The following GALNTL6 variants were observed in gnomAD, a reference collection of about 807,000 sequenced individuals.
GALNTL6 encodes the protein polypeptide N-acetylgalactosaminyltransferase-like 6.
Under a neutral mutation model 73.7 loss-of-function variants are expected in GALNTL6, and 46 were observed. That is an observed-to-expected ratio of 0.62 (90% CI 0.49 to 0.80). The LOEUF (loss-of-function observed/expected upper bound fraction) is 0.80. Among genes scored for constraint, GALNTL6 ranks in the 30% least tolerant of loss-of-function variants. The probability of loss-of-function intolerance (pLI) is 0.00; values close to 1 mark genes in which losing one functional copy is unlikely to be tolerated. For synonymous variants in GALNTL6, 259 were observed against 263.7 expected, an observed-to-expected ratio of 0.98 and a Z score of 0.17; for missense variants, 604 against 755.0, an observed-to-expected ratio of 0.80 and a Z score of 2.34.
chr4:172,630,320 T>G (rs932423736), intron 5 of GALNTL6, among the ~76,000 whole-genome samples: 2 of 152,194 alleles, frequency 1.3e-5, no homozygotes, highest in Non-Finnish European at 2.9e-5. Flanking sequence ...GTGAAATACT[T>G]GGAAATCTAA....
chr4:172,739,991 A>G (rs1036158370), intron 5 of GALNTL6, among the ~76,000 whole-genome samples: 10 of 151,938 alleles, frequency 6.6e-5, no homozygotes, highest in African/African-American at 2.4e-4. Flanking sequence ...TTTCAGAGGC[A>G]CCATATCTTA....
At chr4:172,665,466 A>G (rs1270282833) in intron 5 of GALNTL6, among the ~76,000 whole-genome samples, 3 of 152,220 alleles carry the variant, frequency 2.0e-5, no homozygotes, top group Non-Finnish European at 2.9e-5. Context: ...AAAGGTAGCC[A>G]TGGTTTACTT....
rs145604759 is a variant in GALNTL6, at chr4:172,754,997, C to A, written c.554-54364C>A. Among the ~76,000 whole-genome samples the A allele has an allele frequency of 5.9e-5, 9 of 152,242 alleles. No individual in the cohort carries two copies. The East Asian group carries it at 1.7e-3, about 29-fold the overall frequency. On this transcript the variant is annotated intron_variant, in intron 5 of 12. Transcript: ENST00000506823. ...GGACATAAAAACTACCAATTGCCCA[C>A]CCAGATTTTATAAAAAGTAATGCTT... is the stretch of plus-strand genomic sequence containing the variant.
At chr4:171,956,301 C>T (rs1739048553) in intron 2 of GALNTL6, among the ~76,000 whole-genome samples, 1 of 152,136 alleles carries the variant, frequency 6.6e-6, no homozygotes, top group Non-Finnish European at 1.5e-5. Flanking sequence ...CCACTGTACC[C>T]AGCCATTTAT....
intron 2 of GALNTL6, among the ~76,000 whole-genome samples, chr4:172,110,853 C>A (rs1732830208): frequency 6.6e-6 from 1 of 151,996 alleles, no homozygotes; most frequent in Non-Finnish European, 1.5e-5. Flanking sequence ...GACTGCTGTT[C>A]ATTATGAAGC....
At chr4:172,569,843 C>T (rs1380284987) in intron 5 of GALNTL6, among the ~76,000 whole-genome samples, 2 of 152,068 alleles carry the variant, frequency 1.3e-5, no homozygotes, top group South Asian at 4.1e-4. Flanking sequence ...ACACTGGGAG[C>T]CGAGGATATG....
intron 8 of GALNTL6, among the ~76,000 whole-genome samples, chr4:172,883,210 G>A (rs1745551643): frequency 6.6e-6 from 1 of 152,112 alleles, no homozygotes; most frequent in African/African-American, 2.4e-5. Context: ...TCTTCTTTGT[G>A]TTGGAAACAT....
At chr4:172,868,824 T>A (rs1370576375) in intron 7 of GALNTL6, among the ~76,000 whole-genome samples, 2 of 152,040 alleles carry the variant, frequency 1.3e-5, no homozygotes, top group East Asian at 3.9e-4. Flanking sequence ...TGCACAAATC[T>A]AAAATACTCA....
In GALNTL6 at chr4:172,522,676, CCCA is replaced by C. The variant is rs79371631; in HGVS notation, c.553+173988_553+173990del. ...CGAGTGAAACTCAGTCCCCCCCCCC[CCCA>C]AAAAAAAAGTGTATTTTACTGTAAT... is the stretch of plus-strand genomic sequence containing the variant. On this transcript the variant is annotated intron_variant, in intron 5 of 12. Coordinates refer to ENST00000506823, the MANE Select transcript of GALNTL6 (RefSeq NM_001034845.3). 0.01 allele frequency among the ~76,000 whole-genome samples: 676 copies of C among 66,978 alleles called. 13 individuals carry two copies. In the East Asian group the frequency reaches 0.13, roughly 13 times the overall value. The allele number at this position is 66,978 out of a possible 152,430, so 43.9% of individuals were successfully genotyped here.
In GALNTL6 at chr4:172,425,578, T is replaced by C. The variant is rs75357472; in HGVS notation, c.553+76889T>C. Among the ~76,000 whole-genome samples the C allele has an allele frequency of 1.9e-3, 294 of 152,136 alleles. 1 individual carries two copies. The highest frequency in any genetic ancestry group is 6.8e-3 in the African/African-American group (282 of 41,540). ...ATTTTATATGTAATTTGAACAAGCA[T>C]GACTGATGCTGTCTATCACAGAATA... is the stretch of plus-strand genomic sequence containing the variant. On this transcript the variant is annotated intron_variant, in intron 5 of 12. Transcript: ENST00000506823.
At chr4:172,537,253 G>A (rs944599324) in intron 5 of GALNTL6, among the ~76,000 whole-genome samples, 3 of 152,230 alleles carry the variant, frequency 2.0e-5, no homozygotes, top group Admixed American at 1.3e-4. Flanking sequence ...GAATGATACA[G>A]TTTGGCTGTG....
intron 2 of GALNTL6, among the ~76,000 whole-genome samples, chr4:171,958,586 T>A (rs1338580821): frequency 1.3e-5 from 2 of 152,154 alleles, no homozygotes; most frequent in Non-Finnish European, 2.9e-5. Context: ...ATTTCAATGG[T>A]CACAATTCAC....
intron 2 of GALNTL6, among the ~76,000 whole-genome samples, chr4:172,096,845 G>C (rs913793088): frequency 1.3e-5 from 2 of 152,124 alleles, no homozygotes; most frequent in East Asian, 3.8e-4. Context: ...TTCCATAAAA[G>C]GATCACACGC....
At chr4:172,397,630 T>G (rs554412480) in intron 5 of GALNTL6, among the ~76,000 whole-genome samples, 1 of 152,084 alleles carries the variant, frequency 6.6e-6, no homozygotes, top group East Asian at 1.9e-4. Flanking sequence ...CAGGCTGGAG[T>G]GCAGTGGTGC....
chr4:172,617,906 A>C (rs577841738), intron 5 of GALNTL6, among the ~76,000 whole-genome samples: 82 of 152,286 alleles, frequency 5.4e-4, no homozygotes, highest in African/African-American at 1.9e-3. Context: ...TAATGTGACA[A>C]TGTACATTGC....
At chr4:172,761,267 A>T (rs751655414) in intron 5 of GALNTL6, among the ~76,000 whole-genome samples, 4 of 152,188 alleles carry the variant, frequency 2.6e-5, no homozygotes, top group Non-Finnish European at 5.9e-5. Context: ...AGAAAACTTT[A>T]TGGAGGATGT....
intron 11 of GALNTL6, among the ~76,000 whole-genome samples, chr4:173,020,400 G>A (rs969170995): frequency 6.6e-6 from 1 of 152,176 alleles, no homozygotes; most frequent in African/African-American, 2.4e-5. Context: ...GCTGGACTAG[G>A]ATAGGAATGT....
At chr4:172,825,739 T>C (rs565831664) in intron 7 of GALNTL6, among the ~76,000 whole-genome samples, 1 of 152,046 alleles carries the variant, frequency 6.6e-6, no homozygotes, top group South Asian at 2.1e-4. Context: ...TTGAATACCA[T>C]GTAAGAGGAG....
intron 5 of GALNTL6, among the ~76,000 whole-genome samples, chr4:172,777,498 T>C (rs1434019813): frequency 6.6e-6 from 1 of 152,240 alleles, no homozygotes; most frequent in Non-Finnish European, 1.5e-5. Flanking sequence ...GTTGTAAAGT[T>C]GAACTGTGAA....
Sources: allele counts gnomAD v4.1 joint callset (sites outside exome capture counted in the v4.1 genomes callset), GRCh38; gene constraint gnomAD v4.1.1; transcripts MANE v1.5; gene names NCBI Gene and HGNC (gene_info 2026-07-23, HGNC 2026-07-21).